FBXO16: variants seen among roughly 807,000 people sequenced by gnomAD.
FBXO16 encodes F-box only protein 16.
Under a neutral mutation model 41.0 loss-of-function variants are expected in FBXO16, and 31 were observed. That is an observed-to-expected ratio of 0.76 (90% CI 0.57 to 1.02). FBXO16 has a LOEUF of 1.02. FBXO16 is among the 50% of genes least tolerant of loss of function. The probability of loss-of-function intolerance (pLI) is 0.00; values close to 1 mark genes in which losing one functional copy is unlikely to be tolerated. For synonymous variants in FBXO16, 133 were observed against 117.8 expected (o/e 1.13, Z -0.84); for missense variants, 361 against 346.2 (o/e 1.04, Z -0.34).
At chr8:28,470,951 A>T (rs1803324861) in intron 3 of FBXO16, among the ~76,000 whole-genome samples, 1 of 152,188 alleles carries the variant, frequency 6.6e-6, no homozygotes, top group African/African-American at 2.4e-5. Context: ...CTTTATTAAA[A>T]TGGGTTATTA....
chr8:28,433,206 G>A (rs1267473278), intron 7 of FBXO16, among the ~76,000 whole-genome samples: 1 of 149,484 alleles, frequency 6.7e-6, no homozygotes, highest in Non-Finnish European at 1.5e-5. Context: ...TGAGCTTTCT[G>A]TTCTTTTTCT....
intron 3 of FBXO16, among the ~76,000 whole-genome samples, chr8:28,464,887 C>T (rs545673522): frequency 2.6e-5 from 4 of 152,110 alleles, no homozygotes; most frequent in Non-Finnish European, 5.9e-5. Context: ...CTTCTGACCT[C>T]GTGATCCACC....
Position 28,463,700 on chromosome 8 carries a change from G to T in FBXO16, c.254C>A (p.Ala85Asp), listed in dbSNP as rs1238674360. The change falls in exon 4 of 9, where the codon GCC becomes GAC. Residue 85 changes from alanine to aspartate, a missense_variant. Physicochemically the swap from Ala to Asp is moderately radical, Grantham distance 126 (BLOSUM62 -2). Transcript: ENST00000380254. Reference protein sequence around the residue: ...RKLQEKIPAEALDFTTKLPRV... With the variant: ...RKLQEKIPAEDLDFTTKLPRV... ...TGGAAGCTTGGTTGTAAAGTCCAGGGCTTCTGCTGGAATTTTCTCTTGAAG... is the reference window on the plus strand; with the variant it reads ...TGGAAGCTTGGTTGTAAAGTCCAGGTCTTCTGCTGGAATTTTCTCTTGAAG... 5.6e-6 allele frequency: 9 copies of T among 1,614,202 alleles called. No homozygotes were observed. Among genetic ancestry groups the T allele is most frequent in the South Asian group, 1.1e-5 (1 of 91,090 alleles).
At chr8:28,441,748 A>C (rs1362140225) in intron 7 of FBXO16, among the ~76,000 whole-genome samples, 6 of 140,152 alleles carry the variant, frequency 4.3e-5, no homozygotes, top group Non-Finnish European at 7.8e-5. Context: ...AAAAAAAAAA[A>C]AAACTAAAAA....
intron 7 of FBXO16, among the ~76,000 whole-genome samples, chr8:28,439,716 A>G (rs1802736913): frequency 6.6e-6 from 1 of 151,952 alleles, no homozygotes; most frequent in Non-Finnish European, 1.5e-5. Flanking sequence ...ACTGCACTCC[A>G]GCCTGAGTGA....
chr8:28,450,121 T>G (rs1802930011), intron 6 of FBXO16, among the ~76,000 whole-genome samples: 1 of 152,002 alleles, frequency 6.6e-6, no homozygotes, highest in Non-Finnish European at 1.5e-5. Context: ...AAGACCAATA[T>G]AGAGACCAAT....
At chr8:28,430,938 TC>T (rs1802596760) in intron 7 of FBXO16, among the ~76,000 whole-genome samples, 1 of 152,010 alleles carries the variant, frequency 6.6e-6, no homozygotes, top group African/African-American at 2.4e-5. Context: ...GCCATTGCAC[TC>T]CAGCCTGGGC....
intron 3 of FBXO16, among the ~76,000 whole-genome samples, chr8:28,468,439 G>A (rs1230514650): frequency 6.6e-6 from 1 of 152,176 alleles, no homozygotes; most frequent in Non-Finnish European, 1.5e-5. Context: ...GCTTGTTTCT[G>A]TTGACTTATT....
At chr8:28,462,424 G>T (rs550092161) in intron 4 of FBXO16, among the ~76,000 whole-genome samples, 1 of 151,664 alleles carries the variant, frequency 6.6e-6, no homozygotes, top group African/African-American at 2.4e-5. Context: ...GACTACAGGC[G>T]CCCGCCACCA....
intron 7 of FBXO16, among the ~76,000 whole-genome samples, chr8:28,446,406 C>T (rs1318621539): frequency 6.6e-6 from 1 of 151,300 alleles, no homozygotes; most frequent in African/African-American, 2.4e-5. Context: ...TCCCTGACCT[C>T]AAGTGATCCT....
At position 28,452,465 on chromosome 8, in the gene FBXO16, C is replaced by A. The variant is rs1234885587; in HGVS notation, c.519G>T (p.Lys173Asn). The change falls in exon 6 of 9, where the codon AAG becomes AAT. Residue 173 changes from lysine (K) to asparagine (N), a missense_variant. Coordinates refer to ENST00000380254, the MANE Select transcript of FBXO16 (RefSeq NM_172366.4). Reference protein sequence around the residue: ...LHITKPKTPPKDGFVIADVQL... With the variant: ...LHITKPKTPPNDGFVIADVQL... ...GAACGTCAGCGATTACAAATCCATC[C>A]TTTGGGGGTGTCTAGAAGAAGAAAG... 6.2e-7 allele frequency: 1 copy of A among 1,613,802 alleles called. No homozygotes were observed. The highest frequency in any genetic ancestry group is 1.7e-5 in the Admixed American group (1 of 59,984).
Position 28,429,359 on chromosome 8 carries a change from T to C in FBXO16, c.869+19A>G, listed in dbSNP as rs2130066384. On this transcript the variant is annotated intron_variant, in intron 8 of 8. Coordinates refer to ENST00000380254, the MANE Select transcript of FBXO16 (RefSeq NM_172366.4). Reference sequence around the variant, plus strand: ...TAAAAAGGCAAATGTCACAGGTTGATATCACAACCGAAACTCACAGTGGGA... The same window carrying C: ...TAAAAAGGCAAATGTCACAGGTTGACATCACAACCGAAACTCACAGTGGGA... 6.2e-7 allele frequency: 1 copy of C among 1,613,320 alleles called. No homozygotes were observed. The highest frequency in any genetic ancestry group is 8.5e-7 in the Non-Finnish European group (1 of 1,179,460).
At chr8:28,470,523 T>C (rs978498779) in intron 3 of FBXO16, among the ~76,000 whole-genome samples, 2 of 152,222 alleles carry the variant, frequency 1.3e-5, no homozygotes, top group African/African-American at 2.4e-5. Context: ...TCCTGTCAAA[T>C]TGTCTTTAAA....
intron 3 of FBXO16, among the ~76,000 whole-genome samples, chr8:28,469,770 G>A (rs543449014): frequency 6.6e-6 from 1 of 151,848 alleles, no homozygotes; most frequent in African/African-American, 2.4e-5. Flanking sequence ...GCATGATGGC[G>A]CACACCTGTA....
At chr8:28,433,066 A>C (rs1389387401) in intron 7 of FBXO16, among the ~76,000 whole-genome samples, 4 of 131,498 alleles carry the variant, frequency 3.0e-5, no homozygotes, top group African/African-American at 1.5e-4. Context: ...GTCCAAAAAA[A>C]AAAAAAACAA....
At chr8:28,470,834 T>C (rs1424210227) in intron 3 of FBXO16, among the ~76,000 whole-genome samples, 1 of 152,242 alleles carries the variant, frequency 6.6e-6, no homozygotes, top group Non-Finnish European at 1.5e-5. Context: ...TCCTGGATAT[T>C]AATCATTTTG....
intron 7 of FBXO16, among the ~76,000 whole-genome samples, chr8:28,445,047 T>G (rs1802842317): frequency 6.6e-6 from 1 of 152,004 alleles, no homozygotes; most frequent in African/African-American, 2.4e-5. Context: ...CAGCCAAGCT[T>G]GTCCTTGGCA....
At chr8:28,479,526 C>G (rs1002685638) in intron 2 of FBXO16, among the ~76,000 whole-genome samples, 1 of 152,112 alleles carries the variant, frequency 6.6e-6, no homozygotes, top group Non-Finnish European at 1.5e-5. Context: ...CTAATTAACG[C>G]ATATTTGAAT....
intron 2 of FBXO16, among the ~76,000 whole-genome samples, chr8:28,480,953 G>A (rs1364777651): frequency 1.3e-5 from 2 of 152,216 alleles, no homozygotes; most frequent in Non-Finnish European, 2.9e-5. Context: ...AGGACACGGG[G>A]AGGCTTCACA....
Sources: gnomAD v4.1 joint callset for allele counts (sites outside exome capture counted in the v4.1 genomes callset) on GRCh38, gnomAD v4.1.1 for gene constraint, MANE v1.5 for transcripts, NCBI Gene and HGNC (gene_info 2026-07-23, HGNC 2026-07-21) for gene names.